FMNL2: variants seen among roughly 807,000 people sequenced by gnomAD.
FMNL2 encodes the protein formin-like protein 2.
A neutral mutation model predicts 130.2 loss-of-function variants in FMNL2; 51 were observed. That is an observed-to-expected ratio of 0.39 (90% CI 0.31 to 0.49). FMNL2 has a LOEUF of 0.49. FMNL2 is among the 20% of genes least tolerant of loss of function. The probability of loss-of-function intolerance (pLI) is 0.85; values close to 1 mark genes in which losing one functional copy is unlikely to be tolerated. For synonymous variants in FMNL2, 465 were observed against 467.1 expected (o/e 1.00, Z 0.06); for missense variants, 977 against 1,316.2 (o/e 0.74, Z 3.99).
chr2:152,520,071 C>A (rs1170452049), intron 1 of FMNL2, among the ~76,000 whole-genome samples: 1 of 151,956 alleles, frequency 6.6e-6, no homozygotes, highest in Admixed American at 6.6e-5. Flanking sequence ...TTTGCCTTAT[C>A]CCAGGAGTTT....
intron 1 of FMNL2, among the ~76,000 whole-genome samples, chr2:152,399,553 G>A (rs1274242682): frequency 6.6e-6 from 1 of 152,178 alleles, no homozygotes; most frequent in Admixed American, 6.5e-5. Context: ...GGTAGAGGTG[G>A]AAGGATTTGA....
intron 6 of FMNL2, among the ~76,000 whole-genome samples, chr2:152,565,548 A>C (rs1309010627): frequency 6.6e-6 from 1 of 152,206 alleles, no homozygotes; most frequent in African/African-American, 2.4e-5. Flanking sequence ...TGATCTTTTC[A>C]AAATAATTAT....
rs1296737501 is a variant in FMNL2, at chr2:152,589,963, A to ATG, written c.876+8915_876+8916insGT. On this transcript the variant is annotated intron_variant, in intron 9 of 25. Coordinates refer to ENST00000288670, the MANE Select transcript of FMNL2 (RefSeq NM_052905.4). ...TACATATATATATATATATATATATATATATATATATATATATATATGTAT... is the reference window on the plus strand; with the variant it reads ...TACATATATATATATATATATATATATGTATATATATATATATATATATGTAT... Among the ~76,000 whole-genome samples, 104 of 31,794 alleles carry ATG rather than the reference A, an allele frequency of 3.3e-3. 5 individuals are homozygous for ATG. The East Asian group carries it at 0.081, about 25-fold the overall frequency. 20.9% of individuals were successfully genotyped at this position (31,794 alleles called of 152,430 possible). A position where few individuals can be genotyped will look rare whatever the true frequency, so the allele number is the denominator to read the frequency against.
chr2:152,476,016 A>T (rs1169217646), intron 1 of FMNL2, among the ~76,000 whole-genome samples: 1 of 152,238 alleles, frequency 6.6e-6, no homozygotes, highest in Non-Finnish European at 1.5e-5. Flanking sequence ...TAGTGAGTCC[A>T]GGTATCCCTG....
intron 1 of FMNL2, among the ~76,000 whole-genome samples, chr2:152,479,873 G>A (rs1690395039): frequency 6.6e-6 from 1 of 151,836 alleles, no homozygotes; most frequent in Non-Finnish European, 1.5e-5. Flanking sequence ...ACCGCACCTG[G>A]TTAATTTTTT....
At position 152,619,573 on chromosome 2, in the gene FMNL2, T is replaced by A; in HGVS notation, c.1692T>A (p.Pro564=). The A allele has an allele frequency of 1.9e-6, 1 of 513,552 alleles. No individual in the cohort carries two copies. The highest frequency in any genetic ancestry group is 2.8e-6 in the Non-Finnish European group (1 of 358,654). 31.8% of individuals were successfully genotyped at this position (513,552 alleles called of 1,614,324 possible). A position where few individuals can be genotyped will look rare whatever the true frequency, so the allele number is the denominator to read the frequency against. ...PPPPPPPPPP[P]PPPPPPPPPL... ...CGCCGCCCCCTCCTCCACCTCCTCC[T>A]CCCCCACCGCCCCCTCCGCCTCCTC... The change falls in exon 15 of 26, where the codon CCT becomes CCA. Residue 564 remains proline, a synonymous_variant. Transcript: ENST00000288670.
chr2:152,638,705 G>A (rs774197853), intron 23 of FMNL2, among the ~76,000 whole-genome samples: 14 of 152,306 alleles, frequency 9.2e-5, no homozygotes, highest in Middle Eastern at 3.4e-3. Context: ...GGATTTGCTC[G>A]TGATGAGAAG....
intron 24 of FMNL2, 131 bp downstream of exon 24, chr2:152,640,187 A>G (rs1682962296): frequency 4.4e-6 from 3 of 686,172 alleles, no homozygotes; most frequent in Middle Eastern, 3.6e-4. Flanking sequence ...GTGCCTGGAC[A>G]CTTGGCAAAT....
At chr2:152,574,434 C>CA (rs57776446) in intron 6 of FMNL2, among the ~76,000 whole-genome samples, 14,999 of 106,826 alleles carry the variant, frequency 0.14, 1,268 homozygotes, top group African/African-American at 0.21. Context: ...GACTCTGTCT[C>CA]AAAAAAAAAA....
chr2:152,341,775 T>C (rs1681823874), intron 1 of FMNL2, among the ~76,000 whole-genome samples: 1 of 152,194 alleles, frequency 6.6e-6, no homozygotes, highest in Non-Finnish European at 1.5e-5. Flanking sequence ...TTCTGTGTGG[T>C]CTAAAGAGTA....
chr2:152,633,322 C>T (rs1327318182), intron 21 of FMNL2, among the ~76,000 whole-genome samples: 3 of 152,130 alleles, frequency 2.0e-5, no homozygotes, highest in African/African-American at 7.2e-5. Flanking sequence ...TCTTGAATTC[C>T]TGGGCTCAAG....
intron 1 of FMNL2, among the ~76,000 whole-genome samples, chr2:152,512,128 A>G (rs1199647213): frequency 6.6e-6 from 1 of 151,984 alleles, no homozygotes; most frequent in Non-Finnish European, 1.5e-5. Context: ...CTCTTGTGTA[A>G]CTCCCTCATT....
At chr2:152,594,717 G>T (rs937675824) in intron 9 of FMNL2, among the ~76,000 whole-genome samples, 3 of 152,144 alleles carry the variant, frequency 2.0e-5, no homozygotes, top group Non-Finnish European at 4.4e-5. Context: ...CAGCTCCCCT[G>T]TCCTACCCCA....
At position 152,589,987 on chromosome 2, in the gene FMNL2, A is replaced by ATGTATATG. The variant is rs1553482701; in HGVS notation, c.876+8939_876+8940insGTATATGT. 1.6e-3 allele frequency among the ~76,000 whole-genome samples: 88 copies of ATGTATATG among 55,234 alleles called. 1 individual carries two copies. Among genetic ancestry groups the ATGTATATG allele is most frequent in the East Asian group, 0.016 (23 of 1,454 alleles). The allele number at this position is 55,234 out of a possible 152,430, so 36.2% of individuals were successfully genotyped here. Reference sequence around the variant, plus strand: ...TATATATATATATATATATATATGTATATGTATATGTATATATATATACAT... The same window carrying ATGTATATG: ...TATATATATATATATATATATATGTATGTATATGTATGTATATGTATATATATATACAT... On this transcript the variant is annotated intron_variant, in intron 9 of 25. Coordinates refer to ENST00000288670, the MANE Select transcript of FMNL2 (RefSeq NM_052905.4).
intron 2 of FMNL2, among the ~76,000 whole-genome samples, chr2:152,538,575 C>T (rs1694135204): frequency 6.6e-6 from 1 of 152,142 alleles, no homozygotes; most frequent in Non-Finnish European, 1.5e-5. Flanking sequence ...CCACTGCACC[C>T]AGCTGTATTT....
intron 1 of FMNL2, among the ~76,000 whole-genome samples, chr2:152,507,758 G>T (rs1223483482): frequency 6.6e-6 from 1 of 152,032 alleles, no homozygotes; most frequent in Non-Finnish European, 1.5e-5. Flanking sequence ...TACTTTTTGT[G>T]TTTCGTGGTG....
intron 1 of FMNL2, among the ~76,000 whole-genome samples, chr2:152,438,273 G>T (rs1346000563): frequency 6.6e-6 from 1 of 152,126 alleles, no homozygotes; most frequent in Non-Finnish European, 1.5e-5. Flanking sequence ...GTTTTTCTAG[G>T]GACAGTCATT....
chr2:152,602,965 G>A (rs1023865095), intron 9 of FMNL2, among the ~76,000 whole-genome samples: 3 of 152,234 alleles, frequency 2.0e-5, no homozygotes, highest in Admixed American at 6.5e-5. Flanking sequence ...CAGTATGAAC[G>A]AAGACAACTT....
At chr2:152,634,619 A>G (rs1326366800) in intron 21 of FMNL2, among the ~76,000 whole-genome samples, 1 of 152,160 alleles carries the variant, frequency 6.6e-6, no homozygotes, top group African/African-American at 2.4e-5. Context: ...TCCCTGCAAA[A>G]AGTTGTCGAG....
Sources: gnomAD v4.1 joint callset for allele counts (sites outside exome capture counted in the v4.1 genomes callset) on GRCh38, gnomAD v4.1.1 for gene constraint, MANE v1.5 for transcripts, NCBI Gene and HGNC (gene_info 2026-07-23, HGNC 2026-07-21) for gene names.